The following CBY1 variants were observed in gnomAD, a reference collection of about 807,000 sequenced individuals.
CBY1 encodes protein chibby homolog 1.
In CBY1, 10 loss-of-function variants were observed where a neutral mutation model predicts 15.6. The observed-to-expected ratio is 0.64, with a 90% CI of 0.40 to 1.09. The LOEUF (loss-of-function observed/expected upper bound fraction) is 1.09. CBY1 is among the 50% of genes least tolerant of loss of function. The pLI, the probability that CBY1 is intolerant of heterozygous loss-of-function variation, is 0.01. For missense variants in CBY1, 150 were observed against 160.5 expected, an observed-to-expected ratio of 0.93 and a Z score of 0.35; for synonymous variants, 61 against 63.5, an observed-to-expected ratio of 0.96 and a Z score of 0.19.
rs1189872670 is a variant in CBY1 at position 38,673,220 on chromosome 22, G to T, written c.365G>T (p.Ser122Ile). ...AAGGAACTGGATGAACTGAGGATCA[G>T]CCGGAAGAGAAAATGAAGACCCCAG... ...MEKELDELRISRKRK is the reference protein window; with the variant it reads ...MEKELDELRIIRKRK The change falls in exon 5 of 5, where the codon AGC becomes ATC. Residue 122 changes from serine to isoleucine, a missense_variant. Ser to Ile is a moderately radical substitution (Grantham distance 142). Transcript: ENST00000216029. The T allele has an allele frequency of 6.2e-7, 1 of 1,611,410 alleles. No homozygotes were observed.
Position 38,656,784 on chromosome 22 carries a change from C to T in CBY1, c.-39+34C>T, listed in dbSNP as rs554954403. ...CCGAGTCCGGCGTCGCCGGCCAGCG[C>T]TGCCTGGGTTCACTCGGGGGCCCGA... On this transcript the variant is annotated intron_variant, in intron 1 of 4. Coordinates refer to ENST00000216029, the MANE Select transcript of CBY1 (RefSeq NM_015373.4). The T allele has an allele frequency of 3.3e-5, 5 of 152,400 alleles. No individual in the cohort carries two copies. In the East Asian group the frequency reaches 7.7e-4, roughly 24 times the overall value. 9.4% of individuals were successfully genotyped at this position (152,400 alleles called of 1,614,324 possible).
chr22:38,673,538 A>G lies in CBY1; in HGVS notation c.*302A>G, dbSNP rs1040342775. ...TCCACACACAAGCTCGCAAACACAC[A>G]TGTCCCAGAATAGCTCTGTTGGGTT... On this transcript the variant is annotated 3_prime_UTR_variant, in exon 5 of 5. Coordinates refer to ENST00000216029, the MANE Select transcript of CBY1 (RefSeq NM_015373.4). The G allele has an allele frequency of 5.1e-5, 16 of 312,248 alleles. No homozygotes were observed. The highest frequency in any genetic ancestry group is 3.4e-4 in the African/African-American group (16 of 46,904). 19.3% of individuals were successfully genotyped at this position (312,248 alleles called of 1,614,324 possible).
chr22:38,662,266 C>A (rs2092424209), intron 1 of CBY1, among the ~76,000 whole-genome samples: 1 of 150,394 alleles, frequency 6.6e-6, no homozygotes, highest in Non-Finnish European at 1.5e-5. Flanking sequence ...CACGCCACTG[C>A]ACTCTAGCCT....
intron 2 of CBY1, chr22:38,668,519 C>G (rs996090305): frequency 6.1e-6 from 1 of 162,646 alleles, no homozygotes; most frequent in Non-Finnish European, 1.3e-5. Context: ...TACAACTGCC[C>G]GCCACCATGC....
intron 1 of CBY1, chr22:38,665,774 C>G: frequency 4.3e-6 from 5 of 1,160,196 alleles, no homozygotes; most frequent in Non-Finnish European, 5.4e-6. Context: ...TTGGTTCACA[C>G]CTGTAATTCC....
chr22:38,664,066 A>C (rs1423899097), intron 1 of CBY1, among the ~76,000 whole-genome samples: 1 of 152,032 alleles, frequency 6.6e-6, no homozygotes, highest in Non-Finnish European at 1.5e-5. Context: ...AAGTGGGAGA[A>C]GATATTTTCA....
chr22:38,663,743 C>T (rs2092428597), intron 1 of CBY1, among the ~76,000 whole-genome samples: 2 of 147,436 alleles, frequency 1.4e-5, no homozygotes, highest in African/African-American at 5.0e-5. Flanking sequence ...AAAAAGAGGT[C>T]GGGCGCAGTG....
intron 1 of CBY1, among the ~76,000 whole-genome samples, chr22:38,662,313 T>TA (rs2092424494): frequency 1.7e-5 from 2 of 118,402 alleles, no homozygotes; most frequent in African/African-American, 5.7e-5. Flanking sequence ...AAAAAAAAAA[T>TA]AAATAAATAA....
rs780095088 is a variant in CBY1 at position 38,670,900 on chromosome 22, G to A, written c.95G>A (p.Arg32Gln). 22 of 1,613,968 alleles carry A rather than the reference G, an allele frequency of 1.4e-5. No homozygotes were observed. Among genetic ancestry groups the A allele is most frequent in the East Asian group, 8.9e-5 (4 of 44,898 alleles). The change falls in exon 3 of 5, where the codon CGG becomes CAG. Residue 32 changes from arginine to glutamine, a missense_variant. Physicochemically the swap from Arg to Gln is conservative, Grantham distance 43. Coordinates refer to ENST00000216029, the MANE Select transcript of CBY1 (RefSeq NM_015373.4). Reference protein sequence around the residue: ...SNLHSLDRSTREVELGLEYGS... With the variant: ...SNLHSLDRSTQEVELGLEYGS... Reference sequence around the variant, plus strand: ...CGCCCACAGTTGGATCGATCAACCCGGGAGGTGGAGCTGGGCTTGGAATAC... The same window carrying A: ...CGCCCACAGTTGGATCGATCAACCCAGGAGGTGGAGCTGGGCTTGGAATAC...
rs2092426371 is a variant in CBY1, at chr22:38,663,095, G to C, written c.-38-4922G>C. ...AGATCACATCACTGCCCTCCAGCCT[G>C]GGCGACAGAGTAAGACTTGATCTCA... On this transcript the variant is annotated intron_variant, in intron 1 of 4. Transcript: ENST00000216029. Among the ~76,000 whole-genome samples, 3 of 151,986 alleles carry C rather than the reference G, an allele frequency of 2.0e-5. No homozygotes were observed. The South Asian group carries it at 6.2e-4, about 32-fold the overall frequency.
chr22:38,673,064 A>G (rs2145789797), intron 4 of CBY1, 95 bp from the exon 5 acceptor site: 2 of 775,968 alleles, frequency 2.6e-6, no homozygotes. Context: ...GAGAAGTGGC[A>G]GGGGGCCTTT....
At chr22:38,671,321 G>A (rs547330202) in intron 4 of CBY1, 133 bp downstream of exon 4, 12 of 730,342 alleles carry the variant, frequency 1.6e-5, no homozygotes, top group South Asian at 9.5e-5. Context: ...AAAGCCACAC[G>A]CAAGGAACAA....
chr22:38,664,408 G>T (rs1379553515), intron 1 of CBY1, among the ~76,000 whole-genome samples: 1 of 147,748 alleles, frequency 6.8e-6, no homozygotes, highest in Non-Finnish European at 1.5e-5. Flanking sequence ...GGAGGCAGAG[G>T]TTGCAGTGAG....
At chr22:38,661,992 G>A (rs1431369772) in intron 1 of CBY1, among the ~76,000 whole-genome samples, 4 of 152,074 alleles carry the variant, frequency 2.6e-5, no homozygotes, top group East Asian at 1.9e-4. Flanking sequence ...AGCTGTGTGC[G>A]TGATATAAAT....
In CBY1 at chr22:38,673,105, C is replaced by G. The variant is rs757087248; in HGVS notation, c.304-54C>G. ...GTGTGTAGGGCCGGCCTTGCTAACCCGAAACATTTCCTAGAAATGTGCTGC... is the reference window on the plus strand; with the variant it reads ...GTGTGTAGGGCCGGCCTTGCTAACCGGAAACATTTCCTAGAAATGTGCTGC... On this transcript the variant is annotated intron_variant, in intron 4 of 4. Transcript: ENST00000216029. 7 of 1,363,970 alleles carry G rather than the reference C, an allele frequency of 5.1e-6. No individual in the cohort carries two copies. In the East Asian group the frequency reaches 1.6e-4, roughly 31 times the overall value. The allele number at this position is 1,363,970 out of a possible 1,614,324, so 84.5% of individuals were successfully genotyped here. A position where few individuals can be genotyped will look rare whatever the true frequency, so the allele number is the denominator to read the frequency against.
At chr22:38,671,293 G>T (rs2145788169) in intron 4 of CBY1, 105 bp downstream of exon 4, 1 of 873,510 alleles carries the variant, frequency 1.1e-6, no homozygotes, top group East Asian at 2.4e-5. Context: ...GTTTGGCCAG[G>T]TACGTTGCTT....
At chr22:38,661,956 A>G (rs564321997) in intron 1 of CBY1, among the ~76,000 whole-genome samples, 3 of 152,164 alleles carry the variant, frequency 2.0e-5, no homozygotes, top group Non-Finnish European at 2.9e-5. Context: ...TCTTCAGTCT[A>G]TGGCTTCTTA....
chr22:38,660,351 C>T (rs5750657), intron 1 of CBY1, among the ~76,000 whole-genome samples: 44,672 of 151,544 alleles, frequency 0.29, 6,673 homozygotes, highest in East Asian at 0.36. Flanking sequence ...CATGCCACCG[C>T]GCCTGGCTAA....
At chr22:38,663,399 A>C (rs2413544) in intron 1 of CBY1, among the ~76,000 whole-genome samples, 44,423 of 148,422 alleles carry the variant, frequency 0.3, 6,608 homozygotes, top group East Asian at 0.36. Flanking sequence ...AGGTTGCATT[A>C]AGAAAGCAAA....
Sources: allele counts gnomAD v4.1 joint callset (sites outside exome capture counted in the v4.1 genomes callset), GRCh38; gene constraint gnomAD v4.1.1; transcripts MANE v1.5; gene names NCBI Gene and HGNC (gene_info 2026-07-23, HGNC 2026-07-21).